The following MRS2 variants were observed in gnomAD, a reference collection of about 807,000 sequenced individuals.
MRS2 encodes the protein magnesium transporter MRS2.
MRS2 carries 40 observed loss-of-function variants against 52.6 expected under a neutral mutation model. The observed-to-expected ratio is 0.76, with a 90% CI of 0.59 to 0.99. The LOEUF (loss-of-function observed/expected upper bound fraction) is 0.99. Ranked by LOEUF, MRS2 falls within the 50% of genes least tolerant of loss-of-function variation. The probability of loss-of-function intolerance (pLI) is 0.00; values close to 1 mark genes in which losing one functional copy is unlikely to be tolerated. For synonymous variants in MRS2, 193 were observed against 195.9 expected, an observed-to-expected ratio of 0.98 and a Z score of 0.13; for missense variants, 472 against 532.7, an observed-to-expected ratio of 0.89 and a Z score of 1.12.
chr6:24,415,599 C>G (rs1463985292), intron 6 of MRS2, among the ~76,000 whole-genome samples: 2 of 152,134 alleles, frequency 1.3e-5, no homozygotes, highest in African/African-American at 2.4e-5. Context: ...CTCCCGAAAT[C>G]CCTTCAAGAA....
chr6:24,405,291 A>G (rs369163619), intron 2 of MRS2, 50 bp downstream of exon 2: 111 of 1,336,434 alleles, frequency 8.3e-5, no homozygotes, highest in Non-Finnish European at 1.1e-4. Context: ...CTTCCCATAC[A>G]TAAGTTAACT....
intron 10 of MRS2, 121 bp downstream of exon 10, chr6:24,423,171 C>T (rs1762110627): frequency 2.8e-6 from 2 of 716,544 alleles, no homozygotes; most frequent in African/African-American, 3.5e-5. Context: ...CTTTCTCAAA[C>T]TTCCTTCAGT....
intron 4 of MRS2, chr6:24,410,636 C>A: frequency 9.9e-7 from 1 of 1,012,456 alleles, no homozygotes; most frequent in Non-Finnish European, 1.4e-6. Context: ...GCCTAAGCAA[C>A]ATAGCAAGAT....
At chr6:24,404,595 T>C (rs115460571) in intron 1 of MRS2, among the ~76,000 whole-genome samples, 1 of 152,142 alleles carries the variant, frequency 6.6e-6, no homozygotes, top group Non-Finnish European at 1.5e-5. Context: ...TAATCACGTT[T>C]TAAATAGACA....
chr6:24,403,355 C>A, intron 1 of MRS2, 119 bp downstream of exon 1: 1 of 1,003,126 alleles, frequency 1.0e-6, no homozygotes, highest in Non-Finnish European at 1.4e-6. Context: ...GCCTCGGCCT[C>A]CCGCGTGTCC....
At chr6:24,419,905 G>A (rs564148568) in intron 9 of MRS2, among the ~76,000 whole-genome samples, 1 of 152,328 alleles carries the variant, frequency 6.6e-6, no homozygotes, top group African/African-American at 2.4e-5. Context: ...TTCTAGAACT[G>A]AACCTGGATG....
chr6:24,403,839 T>C lies in MRS2; in HGVS notation c.190+603T>C, dbSNP rs117250331. Among the ~76,000 whole-genome samples, 607 of 152,272 alleles carry C rather than the reference T, an allele frequency of 4.0e-3. 4 individuals are homozygous for C. Among genetic ancestry groups the C allele is most frequent in the African/African-American group, 0.013 (548 of 41,558 alleles). ...ATACAGTTGTCCAGTTGCACGGAGA[T>C]TGGGGACGCACCTAGAAGTGAGGCT... is the stretch of plus-strand genomic sequence containing the variant. On this transcript the variant is annotated intron_variant, in intron 1 of 10. Transcript: ENST00000378386.
At position 24,425,968 on chromosome 6, in the gene MRS2, A is replaced by G. The variant is rs1762222545; in HGVS notation, c.*2274A>G. On this transcript the variant is annotated 3_prime_UTR_variant, in exon 11 of 11. Coordinates refer to ENST00000378386, the MANE Select transcript of MRS2 (RefSeq NM_020662.4). The stretch of plus-strand genomic sequence containing the variant: ...TTAGTAATACCTACAGAGGTGAGCT[A>G]ATGGATGGTACATGGAGTAGGGACT... 6.6e-6 allele frequency: 1 copy of G among 152,186 alleles called. No individual in the cohort carries two copies. Among genetic ancestry groups the G allele is most frequent in the Non-Finnish European group, 1.5e-5 (1 of 68,034 alleles). 9.4% of individuals were successfully genotyped at this position (152,186 alleles called of 1,614,324 possible).
At chr6:24,422,884 T>A (rs1762095088) in intron 9 of MRS2, 53 bp from the exon 10 acceptor site, 1 of 1,208,662 alleles carries the variant, frequency 8.3e-7, no homozygotes, top group Non-Finnish European at 1.2e-6. Flanking sequence ...ATTCAAGGAA[T>A]CTTCTAAGGA....
rs1561819356 is a variant in MRS2, at chr6:24,425,524, G to A, written c.*1830G>A. 1 of 152,204 alleles carries A rather than the reference G, an allele frequency of 6.6e-6. No homozygotes were observed. 9.4% of individuals were successfully genotyped at this position (152,204 alleles called of 1,614,324 possible). On this transcript the variant is annotated 3_prime_UTR_variant, in exon 11 of 11. Coordinates refer to ENST00000378386, the MANE Select transcript of MRS2 (RefSeq NM_020662.4). ...CAAAATATCAACTAGTTCCACTTTT[G>A]TGATTGCAGGATGCTTCTTATACTA...
At chr6:24,403,765 T>A (rs1305050389) in intron 1 of MRS2, among the ~76,000 whole-genome samples, 1 of 152,190 alleles carries the variant, frequency 6.6e-6, no homozygotes, top group Non-Finnish European at 1.5e-5. Context: ...AAGTCATAAG[T>A]ATAAATTAAT....
intron 9 of MRS2, among the ~76,000 whole-genome samples, chr6:24,420,815 A>G (rs1263876170): frequency 6.6e-6 from 1 of 152,150 alleles, no homozygotes; most frequent in Non-Finnish European, 1.5e-5. Flanking sequence ...TGTTCATGAA[A>G]TGGCAAGAAG....
intron 4 of MRS2, 92 bp from the exon 5 acceptor site, chr6:24,412,130 T>C: frequency 1.6e-6 from 1 of 634,192 alleles, no homozygotes; most frequent in Non-Finnish European, 2.3e-6. Flanking sequence ...AATTTGCATA[T>C]ATATATGTAT....
Position 24,405,132 on chromosome 6 carries a change from A to T in MRS2, c.191-36A>T, listed in dbSNP as rs1042090264. On this transcript the variant is annotated intron_variant, in intron 1 of 10. Transcript: ENST00000378386. Reference sequence around the variant, plus strand: ...TTTTAGCTCTATGTGAAAACCAATCATGTGACCACAGGAATTCTCTTAATT... The same window carrying T: ...TTTTAGCTCTATGTGAAAACCAATCTTGTGACCACAGGAATTCTCTTAATT... 10 of 1,518,210 alleles carry T rather than the reference A, an allele frequency of 6.6e-6. No homozygotes were observed. The East Asian group carries it at 6.8e-5, about 10-fold the overall frequency. 94.0% of individuals were successfully genotyped at this position (1,518,210 alleles called of 1,614,324 possible).
At chr6:24,412,491 C>A in intron 5 of MRS2, 96 bp downstream of exon 5, 2 of 912,334 alleles carry the variant, frequency 2.2e-6, no homozygotes, top group Non-Finnish European at 3.2e-6. Context: ...ATGGCATGTC[C>A]CCTGACCACA....
At chr6:24,411,284 C>A (rs1468647387) in intron 4 of MRS2, among the ~76,000 whole-genome samples, 1 of 151,806 alleles carries the variant, frequency 6.6e-6, no homozygotes, top group Non-Finnish European at 1.5e-5. Flanking sequence ...GATAAAGTGG[C>A]TACCTTTATC....
Position 24,413,922 on chromosome 6 carries a change from C to A in MRS2, c.589-1111C>A, listed in dbSNP as rs566054907. 7.6e-4 allele frequency among the ~76,000 whole-genome samples: 115 copies of A among 152,304 alleles called. No individual in the cohort carries two copies. In the Middle Eastern group the frequency reaches 0.01, roughly 14 times the overall value. ...TACCTGCCGAATATCAAATATCAAACCATACTTGTGTTAACCTAAATAGTC... is the reference window on the plus strand; with the variant it reads ...TACCTGCCGAATATCAAATATCAAAACATACTTGTGTTAACCTAAATAGTC... On this transcript the variant is annotated intron_variant, in intron 5 of 10. Transcript: ENST00000378386.
At chr6:24,415,718 A>G (rs1761826258) in intron 6 of MRS2, among the ~76,000 whole-genome samples, 1 of 152,248 alleles carries the variant, frequency 6.6e-6, no homozygotes, top group African/African-American at 2.4e-5. Context: ...CATGTTGATT[A>G]ATAAAATTCC....
chr6:24,416,933 C>A (rs1487496998), intron 7 of MRS2, among the ~76,000 whole-genome samples: 1 of 152,158 alleles, frequency 6.6e-6, no homozygotes, highest in Non-Finnish European at 1.5e-5. Flanking sequence ...ATCTTATAAA[C>A]CTTTTATCTT....
Sources: allele counts gnomAD v4.1 joint callset (sites outside exome capture counted in the v4.1 genomes callset), GRCh38; gene constraint gnomAD v4.1.1; transcripts MANE v1.5; gene names NCBI Gene and HGNC (gene_info 2026-07-23, HGNC 2026-07-21).